Variants in TAF4B observed in about 807,000 individuals in gnomAD.
TAF4B encodes transcription initiation factor TFIID subunit 4B.
Under a neutral mutation model 86.4 loss-of-function variants are expected in TAF4B, and 38 were observed. The ratio of observed to expected loss-of-function variants is 0.44; its 90% CI spans 0.34 to 0.58. TAF4B has a LOEUF of 0.58. Ranked by LOEUF, TAF4B falls within the 20% of genes least tolerant of loss-of-function variation. The probability of loss-of-function intolerance (pLI) is 0.02; values close to 1 mark genes in which losing one functional copy is unlikely to be tolerated. For missense variants in TAF4B, 988 were observed against 1,027.6 expected (o/e 0.96, Z 0.53); for synonymous variants, 388 against 391.2 (o/e 0.99, Z 0.10).
intron 9 of TAF4B, among the ~76,000 whole-genome samples, chr18:26,308,005 G>T (rs747560641): frequency 3.3e-5 from 5 of 152,178 alleles, no homozygotes; most frequent in Non-Finnish European, 7.3e-5. Flanking sequence ...CTACTTGGGA[G>T]GCTGAGGCAG....
chr18:26,366,253 A>T (rs2057370678), intron 14 of TAF4B: 1 of 152,224 alleles, frequency 6.6e-6, no homozygotes. Context: ...ACCTCAGTGT[A>T]CAATCTCTAA....
At chr18:26,253,165 C>T (rs1037766606) in intron 1 of TAF4B, among the ~76,000 whole-genome samples, 5 of 151,630 alleles carry the variant, frequency 3.3e-5, no homozygotes, top group African/African-American at 1.2e-4. Context: ...TATTCCTGAT[C>T]CTTGGGAGAA....
At chr18:26,227,804 A>C (rs1244865698) in intron 1 of TAF4B, among the ~76,000 whole-genome samples, 3 of 152,240 alleles carry the variant, frequency 2.0e-5, no homozygotes, top group Admixed American at 2.0e-4. Context: ...GGCGTGAGCC[A>C]CCGCGTACGG....
At chr18:26,260,832 C>G (rs1264139100) in intron 1 of TAF4B, among the ~76,000 whole-genome samples, 1 of 152,142 alleles carries the variant, frequency 6.6e-6, no homozygotes, top group East Asian at 1.9e-4. Context: ...TCACACCTTT[C>G]TTCTTTAAGT....
At chr18:26,321,797 C>A (rs528383807) in intron 11 of TAF4B, among the ~76,000 whole-genome samples, 1 of 152,126 alleles carries the variant, frequency 6.6e-6, no homozygotes, top group African/African-American at 2.4e-5. Context: ...TAACCATAGT[C>A]CTTATGTTCT....
intron 3 of TAF4B, among the ~76,000 whole-genome samples, chr18:26,270,638 A>G (rs1174498781): frequency 6.6e-6 from 1 of 152,228 alleles, no homozygotes; most frequent in Non-Finnish European, 1.5e-5. Flanking sequence ...TTTTTATAAA[A>G]GAGACAACCT....
At chr18:26,287,647 T>A (rs1333106694) in intron 7 of TAF4B, among the ~76,000 whole-genome samples, 2 of 152,232 alleles carry the variant, frequency 1.3e-5, no homozygotes, top group Non-Finnish European at 2.9e-5. Flanking sequence ...AGCTTGCTGT[T>A]CTTTTGGTGA....
chr18:26,321,242 T>C (rs1263097557), intron 11 of TAF4B, 42 bp downstream of exon 11: 2 of 1,605,772 alleles, frequency 1.2e-6, no homozygotes, highest in African/African-American at 1.3e-5. Context: ...TCGAGTGTTA[T>C]AGGTAGTCTT....
chr18:26,286,478 G>A lies in TAF4B; in HGVS notation c.1569G>A (p.Gln523=). ...TTTCACAACCAGCTGGGATTCCACA[G>A]GCAGTTCAAGTCAAGCAACTAGTGA... ...PVLSQPAGIP[Q]AVQVKQLVVQ... is the part of the protein sequence containing the mutation. Residue 523 remains glutamine (Q), a synonymous_variant, in exon 7 of 15, where the codon CAG becomes CAA. Coordinates refer to ENST00000269142, the MANE Select transcript of TAF4B (RefSeq NM_005640.3). The A allele has an allele frequency of 1.2e-6, 2 of 1,610,832 alleles. No homozygotes were observed. The highest frequency in any genetic ancestry group is 1.7e-6 in the Non-Finnish European group (2 of 1,179,138).
At chr18:26,256,504 A>G (rs1243317297) in intron 1 of TAF4B, 10 of 601,160 alleles carry the variant, frequency 1.7e-5, no homozygotes, top group Middle Eastern at 8.7e-4. Flanking sequence ...TCTATTCTCT[A>G]TTTGCCCCTG....
At chr18:26,289,107 G>T (rs913142215) in intron 7 of TAF4B, among the ~76,000 whole-genome samples, 2 of 152,008 alleles carry the variant, frequency 1.3e-5, no homozygotes, top group Non-Finnish European at 2.9e-5. Context: ...CATTCTATAT[G>T]GTAATGCCAT....
chr18:26,285,060 T>C (rs368977832), intron 6 of TAF4B, among the ~76,000 whole-genome samples: 49 of 150,690 alleles, frequency 3.3e-4, no homozygotes, highest in East Asian at 2.2e-3. Flanking sequence ...CTCAACCTCC[T>C]GGGTCCAAGT....
chr18:26,354,133 T>C (rs1207020059), intron 13 of TAF4B, among the ~76,000 whole-genome samples: 1 of 152,222 alleles, frequency 6.6e-6, no homozygotes, highest in Non-Finnish European at 1.5e-5. Context: ...TGGAGTGCAG[T>C]GGCATGATCT....
intron 1 of TAF4B, 41 bp downstream of exon 1, chr18:26,227,317 C>G: frequency 6.4e-7 from 1 of 1,574,564 alleles, no homozygotes; most frequent in Non-Finnish European, 8.6e-7. Context: ...GTCGGTCCAG[C>G]TGGCGGCGAC....
chr18:26,313,447 A>G (rs1444046522), intron 9 of TAF4B, among the ~76,000 whole-genome samples: 4 of 152,158 alleles, frequency 2.6e-5, no homozygotes, highest in Admixed American at 6.5e-5. Context: ...AGTGATTCTT[A>G]AAATCGTTCT....
rs1296161066 is a variant in TAF4B at position 26,346,857 on chromosome 18, A to ATG, written c.2317-10829_2317-10828dup. Among the ~76,000 whole-genome samples the ATG allele has an allele frequency of 9.1e-3, 89 of 9,822 alleles. 4 individuals carry two copies. Among genetic ancestry groups the ATG allele is most frequent in the Non-Finnish European group, 0.011 (33 of 3,134 alleles). 6.4% of individuals were successfully genotyped at this position (9,822 alleles called of 152,430 possible). A position where few individuals can be genotyped will look rare whatever the true frequency, so the allele number is the denominator to read the frequency against. On this transcript the variant is annotated intron_variant, in intron 13 of 14. Transcript: ENST00000269142. ...TATATGTGTGTGTGTATATATATAT[A>ATG]TGTGTATATATATATATGTGTATAT...
intron 1 of TAF4B, among the ~76,000 whole-genome samples, chr18:26,233,282 G>C (rs992406867): frequency 1.6e-4 from 24 of 152,136 alleles, no homozygotes; most frequent in Non-Finnish European, 2.2e-4. Context: ...AAACCGTTTT[G>C]TATCTACTAG....
chr18:26,281,505 C>T (rs755883097), intron 5 of TAF4B, among the ~76,000 whole-genome samples: 3 of 152,152 alleles, frequency 2.0e-5, no homozygotes, highest in Non-Finnish European at 4.4e-5. Context: ...TTTGGAAGTA[C>T]TTCTACTAAT....
chr18:26,366,968 G>C (rs577848913), intron 14 of TAF4B, among the ~76,000 whole-genome samples: 1 of 152,212 alleles, frequency 6.6e-6, no homozygotes, highest in South Asian at 2.1e-4. Context: ...AAAAATTGTG[G>C]TATAGAGAGG....
Sources: gnomAD v4.1 joint callset for allele counts (sites outside exome capture counted in the v4.1 genomes callset) on GRCh38, gnomAD v4.1.1 for gene constraint, MANE v1.5 for transcripts, NCBI Gene and HGNC (gene_info 2026-07-23, HGNC 2026-07-21) for gene names.